ASTN2: variants seen among roughly 807,000 people sequenced by gnomAD.
ASTN2 encodes astrotactin-2.
Under a neutral mutation model 139.8 loss-of-function variants are expected in ASTN2, and 54 were observed. The ratio of observed to expected loss-of-function variants is 0.39; its 90% CI spans 0.31 to 0.48. The LOEUF is 0.48. Among genes scored for constraint, ASTN2 ranks in the 20% least tolerant of loss-of-function variants. The pLI, the probability that ASTN2 is intolerant of heterozygous loss-of-function variation, is 0.95. For missense variants in ASTN2, 1,565 were observed against 1,725.1 expected, an observed-to-expected ratio of 0.91 and a Z score of 1.64; for synonymous variants, 756 against 719.5, an observed-to-expected ratio of 1.05 and a Z score of -0.81.
intron 5 of ASTN2, among the ~76,000 whole-genome samples, chr9:117,053,435 G>GA (rs1838971700): frequency 6.6e-6 from 1 of 151,404 alleles, no homozygotes; most frequent in South Asian, 2.1e-4. Context: ...CTGGGTGATA[G>GA]AGAGAGACCC....
intron 1 of ASTN2, among the ~76,000 whole-genome samples, chr9:117,330,476 CG>C: frequency 6.6e-6 from 1 of 152,264 alleles, no homozygotes; most frequent in African/African-American, 2.4e-5. Flanking sequence ...GAATAGAGGA[CG>C]GCAGGGCTCC....
chr9:117,043,200 G>T (rs1375070127), intron 5 of ASTN2, among the ~76,000 whole-genome samples: 1 of 152,000 alleles, frequency 6.6e-6, no homozygotes, highest in African/African-American at 2.4e-5. Context: ...AGATTTTATG[G>T]AGTCTATTCT....
chr9:116,437,924 T>A lies in ASTN2; in HGVS notation c.3782+2685A>T, dbSNP rs202163266. On this transcript the variant is annotated intron_variant, in intron 22 of 22. Transcript: ENST00000313400. ...ATCTCTGTCCCTGAGAGCCTCAAAT[T>A]CTTGGAGGGCCATTGCAAATGTTCT... Among the ~76,000 whole-genome samples the A allele has an allele frequency of 3.9e-5, 6 of 152,232 alleles. No individual in the cohort carries two copies. In the East Asian group the frequency reaches 9.7e-4, roughly 25 times the overall value.
chr9:117,024,417 A>T (rs567692058), intron 6 of ASTN2, among the ~76,000 whole-genome samples: 1,258 of 97,510 alleles, frequency 0.013, 24 homozygotes, highest in African/African-American at 0.063. Flanking sequence ...TTTTTTTTTA[A>T]AAAGTTATTG....
chr9:117,065,461 C>T (rs1231920386), intron 5 of ASTN2, among the ~76,000 whole-genome samples: 1 of 152,152 alleles, frequency 6.6e-6, no homozygotes, highest in Non-Finnish European at 1.5e-5. Context: ...GCTGGATTTG[C>T]ACAAACCTCT....
chr9:116,814,835 ATCC>A (rs1831267033), intron 12 of ASTN2, among the ~76,000 whole-genome samples: 1 of 152,188 alleles, frequency 6.6e-6, no homozygotes, highest in Admixed American at 6.5e-5. Context: ...GTTCCATACA[ATCC>A]ACACTGGAAA....
intron 2 of ASTN2, among the ~76,000 whole-genome samples, chr9:117,274,490 C>T (rs1834139066): frequency 6.6e-6 from 1 of 152,184 alleles, no homozygotes; most frequent in East Asian, 1.9e-4. Flanking sequence ...TGGCCATGAA[C>T]CCAGTGTCTA....
At chr9:116,454,480 G>A (rs969124919) in intron 20 of ASTN2, among the ~76,000 whole-genome samples, 1 of 152,096 alleles carries the variant, frequency 6.6e-6, no homozygotes, top group African/African-American at 2.4e-5. Flanking sequence ...CATTGTGGAA[G>A]ACAGTGTGGT....
chr9:117,169,460 C>T (rs1417915838), intron 3 of ASTN2, among the ~76,000 whole-genome samples: 1 of 152,136 alleles, frequency 6.6e-6, no homozygotes, highest in African/African-American at 2.4e-5. Flanking sequence ...GCCACAATTG[C>T]ACAGCTTAGC....
At chr9:116,816,938 A>G (rs13285974) in intron 12 of ASTN2, among the ~76,000 whole-genome samples, 71,679 of 151,468 alleles carry the variant, frequency 0.47, 17,446 homozygotes, top group Middle Eastern at 0.62. Flanking sequence ...GGAAAATGTC[A>G]TTTCTATATA....
intron 19 of ASTN2, among the ~76,000 whole-genome samples, chr9:116,606,485 T>A (rs1439564380): frequency 6.6e-6 from 1 of 152,148 alleles, no homozygotes; most frequent in Non-Finnish European, 1.5e-5. Context: ...CCTGTGCACA[T>A]GCACGCATGA....
chr9:116,550,897 T>G (rs182757230), intron 19 of ASTN2: 1 of 152,358 alleles, frequency 6.6e-6, no homozygotes, highest in African/African-American at 2.4e-5. Context: ...TATGAATAGA[T>G]GTCAGCCTTT....
At chr9:117,347,505 T>C (rs1025830575) in intron 1 of ASTN2, among the ~76,000 whole-genome samples, 3 of 152,056 alleles carry the variant, frequency 2.0e-5, no homozygotes, top group Non-Finnish European at 4.4e-5. Context: ...CCTCATTTTA[T>C]AATGAGGAAA....
At chr9:117,095,065 T>C (rs1828806358) in intron 5 of ASTN2, among the ~76,000 whole-genome samples, 5 of 152,152 alleles carry the variant, frequency 3.3e-5, no homozygotes. Context: ...AGCACACCTC[T>C]TTGTGGAGGT....
Position 116,578,619 on chromosome 9 carries a change from CGTGTGTGTGTGT to C in ASTN2, c.3355+39693_3355+39704del, listed in dbSNP as rs71377254. On this transcript the variant is annotated intron_variant, in intron 19 of 22. Transcript: ENST00000313400. ...TTGAACCCAGGCCGTCTGGCTCCAA[CGTGTGTGTGTGT>C]GTGTGTGTGTGTGTGTGTGTGTGTG... Among the ~76,000 whole-genome samples the C allele has an allele frequency of 3.5e-3, 482 of 137,664 alleles. 2 individuals are homozygous for C. The highest frequency in any genetic ancestry group is 5.2e-3 in the Non-Finnish European group (336 of 64,412). 90.3% of individuals were successfully genotyped at this position (137,664 alleles called of 152,430 possible).
At chr9:116,568,670 A>G (rs1452093024) in intron 19 of ASTN2, 4 of 152,340 alleles carry the variant, frequency 2.6e-5, no homozygotes, top group Admixed American at 2.0e-4. Flanking sequence ...CACCATCCTG[A>G]GTCTGGTCCC....
At chr9:116,521,225 T>A (rs1212039137) in intron 19 of ASTN2, among the ~76,000 whole-genome samples, 1 of 152,016 alleles carries the variant, frequency 6.6e-6, no homozygotes, top group East Asian at 1.9e-4. Flanking sequence ...TCTGGAGACA[T>A]CACATTACCT....
intron 13 of ASTN2, among the ~76,000 whole-genome samples, chr9:116,784,908 A>G (rs1225719920): frequency 1.4e-5 from 2 of 143,816 alleles, no homozygotes; most frequent in African/African-American, 5.2e-5. Context: ...CAGCCTGGGC[A>G]ACAAGAGTGA....
chr9:117,326,524 A>G (rs1828524509), intron 1 of ASTN2, among the ~76,000 whole-genome samples: 1 of 152,222 alleles, frequency 6.6e-6, no homozygotes, highest in African/African-American at 2.4e-5. Context: ...GGAAAATGAA[A>G]ACATCATTTC....
Sources: allele counts gnomAD v4.1 joint callset (sites outside exome capture counted in the v4.1 genomes callset), GRCh38; gene constraint gnomAD v4.1.1; transcripts MANE v1.5; gene names NCBI Gene and HGNC (gene_info 2026-07-23, HGNC 2026-07-21).